Variants in TMCC1 observed in about 807,000 individuals in gnomAD.
The protein encoded by TMCC1 is transmembrane and coiled-coil domains protein 1.
TMCC1 carries 15 observed loss-of-function variants against 52.4 expected under a neutral mutation model. The ratio of observed to expected loss-of-function variants is 0.29; its 90% CI spans 0.19 to 0.44. TMCC1 has a LOEUF of 0.44. TMCC1 is among the 20% of genes least tolerant of loss of function. The pLI is 1.00. For synonymous variants in TMCC1, 279 were observed against 301.9 expected (o/e 0.92, Z 0.79); for missense variants, 503 against 806.0 (o/e 0.62, Z 4.55).
rs1449493334 is a variant in TMCC1 at position 129,680,032 on chromosome 3, C to A, written c.577-8768G>T. On this transcript the variant is annotated intron_variant, in intron 4 of 6. Transcript: ENST00000393238. ...TGACTTTTAAAAGCTTCCCAAAGTA[C>A]CTTATCTTCATACATTAAAATCAGA... is the stretch of plus-strand genomic sequence containing the variant. 3.9e-5 allele frequency among the ~76,000 whole-genome samples: 6 copies of A among 152,100 alleles called. No homozygotes were observed. The East Asian group carries it at 1.2e-3, about 29-fold the overall frequency.
intron 4 of TMCC1, among the ~76,000 whole-genome samples, chr3:129,778,923 T>C (rs1033871652): frequency 1.3e-5 from 2 of 152,208 alleles, no homozygotes; most frequent in Non-Finnish European, 2.9e-5. Context: ...TTCTTTATAG[T>C]AGCATGAGAA....
chr3:129,735,487 G>A (rs1284474563), intron 4 of TMCC1, among the ~76,000 whole-genome samples: 1 of 151,366 alleles, frequency 6.6e-6, no homozygotes, highest in Non-Finnish European at 1.5e-5. Flanking sequence ...CACAAAAAAG[G>A]AAAAAGAAAA....
intron 5 of TMCC1, chr3:129,656,605 C>T (rs899602602): frequency 6.6e-6 from 1 of 152,084 alleles, no homozygotes; most frequent in Non-Finnish European, 1.5e-5. Flanking sequence ...ATATCCTAAA[C>T]TCCACTGCTT....
chr3:129,740,840 T>C (rs1259706910), intron 4 of TMCC1, among the ~76,000 whole-genome samples: 1 of 152,182 alleles, frequency 6.6e-6, no homozygotes, highest in Non-Finnish European at 1.5e-5. Flanking sequence ...ATTTCAAAGA[T>C]TCTAGCACAC....
rs146919661 is a variant in TMCC1 at position 129,670,374 on chromosome 3, C to T, written c.1467G>A (p.Arg489=). The T allele has an allele frequency of 2.0e-4, 327 of 1,613,960 alleles. No homozygotes were observed. Among genetic ancestry groups the T allele is most frequent in the Non-Finnish European group, 2.6e-4 (311 of 1,180,022 alleles). The part of the protein sequence containing the change: ...SFETLKEHYQ[R]DYSLIMQTLQ... ...AGGTCTGCATTATTAAGGAATAGTC[C>T]CTCTGATAATGTTCCTTGAGAGTCT... is the stretch of plus-strand genomic sequence containing the variant. Residue 489 remains arginine (R), a synonymous_variant, in exon 5 of 7, where the codon AGG becomes AGA. Transcript: ENST00000393238.
chr3:129,740,054 A>T (rs2051325238), intron 4 of TMCC1, among the ~76,000 whole-genome samples: 1 of 152,238 alleles, frequency 6.6e-6, no homozygotes, highest in African/African-American at 2.4e-5. Context: ...TCTGAATCCC[A>T]GTCCTGCCAT....
At chr3:129,720,555 A>C (rs1461647343) in intron 4 of TMCC1, among the ~76,000 whole-genome samples, 1 of 152,204 alleles carries the variant, frequency 6.6e-6, no homozygotes, top group Non-Finnish European at 1.5e-5. Context: ...AAGGGAGGCC[A>C]TCTTAGACCA....
At chr3:129,829,158 A>G (rs980826669) in intron 3 of TMCC1, among the ~76,000 whole-genome samples, 6 of 152,236 alleles carry the variant, frequency 3.9e-5, no homozygotes, top group Admixed American at 1.3e-4. Flanking sequence ...TTCTGGCACC[A>G]TATGAGTGAA....
intron 2 of TMCC1, among the ~76,000 whole-genome samples, chr3:129,867,396 T>C (rs1410669207): frequency 6.6e-6 from 1 of 152,210 alleles, no homozygotes; most frequent in African/African-American, 2.4e-5. Context: ...AGTCACCTAT[T>C]CTCTTCCTTC....
intron 2 of TMCC1, among the ~76,000 whole-genome samples, chr3:129,878,151 A>G (rs1024970965): frequency 1.5e-4 from 22 of 146,526 alleles, no homozygotes; most frequent in African/African-American, 5.6e-4. Context: ...TTTAGTAGAG[A>G]TGGGGTTTCA....
At chr3:129,871,921 T>C (rs2060951330) in intron 2 of TMCC1, among the ~76,000 whole-genome samples, 1 of 152,224 alleles carries the variant, frequency 6.6e-6, no homozygotes, top group Admixed American at 6.5e-5. Context: ...TTTTTTTACC[T>C]ATCAGATTGG....
At chr3:129,808,824 A>G (rs551165577) in intron 4 of TMCC1, among the ~76,000 whole-genome samples, 32 of 151,340 alleles carry the variant, frequency 2.1e-4, no homozygotes, top group Non-Finnish European at 4.1e-4. Context: ...AAATAGCAGC[A>G]TAAGCATGTT....
chr3:129,876,261 T>G (rs183043077), intron 2 of TMCC1, among the ~76,000 whole-genome samples: 1 of 150,954 alleles, frequency 6.6e-6, no homozygotes, highest in Non-Finnish European at 1.5e-5. Flanking sequence ...CACTAGTGAT[T>G]TGAACCCAGG....
intron 2 of TMCC1, among the ~76,000 whole-genome samples, chr3:129,845,188 ACT>A (rs917025285): frequency 1.7e-3 from 31 of 18,482 alleles, no homozygotes; most frequent in African/African-American, 3.6e-3. Flanking sequence ...TCCCTGTCAC[ACT>A]CACACACACA....
At chr3:129,654,858 A>C in intron 6 of TMCC1, 110 bp downstream of exon 6, 643 of 1,273,414 alleles carry the variant, frequency 5.0e-4, no homozygotes, top group Non-Finnish European at 6.4e-4. Flanking sequence ...CACAGTTGGT[A>C]TAAGCTTTTC....
At chr3:129,813,288 T>C (rs1048263120) in intron 4 of TMCC1, among the ~76,000 whole-genome samples, 5 of 152,228 alleles carry the variant, frequency 3.3e-5, no homozygotes, top group African/African-American at 1.2e-4. Flanking sequence ...AATTACCATT[T>C]AACCCAGCAA....
intron 1 of TMCC1, among the ~76,000 whole-genome samples, chr3:129,890,673 C>T (rs899146957): frequency 1.3e-5 from 2 of 152,200 alleles, no homozygotes; most frequent in African/African-American, 4.8e-5. Context: ...GGCCCAGATA[C>T]CTATATAACA....
intron 4 of TMCC1, among the ~76,000 whole-genome samples, chr3:129,758,309 CATCTAACAGAT>C (rs2053195467): frequency 6.6e-6 from 1 of 152,136 alleles, no homozygotes; most frequent in African/African-American, 2.4e-5. Flanking sequence ...CAGTTGGAGA[CATCTAACAGAT>C]ATCTAATGGA....
chr3:129,742,472 G>A (rs2107637939), intron 4 of TMCC1, among the ~76,000 whole-genome samples: 1 of 152,124 alleles, frequency 6.6e-6, no homozygotes. Context: ...AAGATGCTCA[G>A]CTCATCATTA....
Sources: gnomAD v4.1 joint callset for allele counts (sites outside exome capture counted in the v4.1 genomes callset) on GRCh38, gnomAD v4.1.1 for gene constraint, MANE v1.5 for transcripts, NCBI Gene and HGNC (gene_info 2026-07-23, HGNC 2026-07-21) for gene names.